The following GPBP1 variants were observed in gnomAD, a reference collection of about 807,000 sequenced individuals.
GPBP1 encodes vasculin.
A neutral mutation model predicts 56.5 loss-of-function variants in GPBP1; 13 were observed. The observed-to-expected ratio is 0.23, with a 90% CI of 0.15 to 0.37. The LOEUF (loss-of-function observed/expected upper bound fraction) is 0.37. Ranked by LOEUF, GPBP1 falls within the 10% of genes least tolerant of loss-of-function variation. The pLI, the probability that GPBP1 is intolerant of heterozygous loss-of-function variation, is 1.00. For synonymous variants in GPBP1, 204 were observed against 188.9 expected, an observed-to-expected ratio of 1.08 and a Z score of -0.66; for missense variants, 477 against 572.3, an observed-to-expected ratio of 0.83 and a Z score of 1.70.
chr5:57,207,159 A>C (rs831653), intron 2 of GPBP1, among the ~76,000 whole-genome samples: 55,328 of 151,786 alleles, frequency 0.36, 10,760 homozygotes, highest in Middle Eastern at 0.44. Context: ...AAGATCTACA[A>C]ATGGCCAGCT....
chr5:57,195,073 GT>G (rs1202270577), intron 2 of GPBP1, among the ~76,000 whole-genome samples: 15 of 146,750 alleles, frequency 1.0e-4, no homozygotes, highest in East Asian at 2.0e-4. Flanking sequence ...TTAAGGATGG[GT>G]TTTTTTTTTG....
intron 3 of GPBP1, among the ~76,000 whole-genome samples, chr5:57,218,969 G>A (rs997368453): frequency 1.3e-5 from 2 of 152,176 alleles, no homozygotes; most frequent in Non-Finnish European, 2.9e-5. Flanking sequence ...TTTTCACATA[G>A]CTGATTAGTG....
intron 3 of GPBP1, among the ~76,000 whole-genome samples, chr5:57,220,423 T>G (rs1253019466): frequency 6.6e-6 from 1 of 152,076 alleles, no homozygotes; most frequent in East Asian, 1.9e-4. Context: ...ATTCTTCTAA[T>G]TAAAAATTAG....
intron 3 of GPBP1, among the ~76,000 whole-genome samples, chr5:57,228,994 C>G (rs1454889161): frequency 6.6e-6 from 1 of 151,916 alleles, no homozygotes; most frequent in Non-Finnish European, 1.5e-5. Flanking sequence ...CTTTGGGAGG[C>G]CAAGGCAGGT....
intron 3 of GPBP1, among the ~76,000 whole-genome samples, chr5:57,217,367 G>GT (rs1460909871): frequency 1.3e-5 from 2 of 152,140 alleles, no homozygotes; most frequent in Admixed American, 1.3e-4. Flanking sequence ...GAGGTCAGGA[G>GT]TTTGAGACCA....
intron 3 of GPBP1, among the ~76,000 whole-genome samples, chr5:57,223,502 A>G (rs1460218536): frequency 1.3e-5 from 2 of 152,120 alleles, no homozygotes; most frequent in African/African-American, 2.4e-5. Flanking sequence ...ACCTTGCAGG[A>G]TCAATATTCA....
rs543005934 is a variant in GPBP1, at chr5:57,229,230, C to CAAAAAAAAAAAAAAAA, written c.64-1594_64-1579dup. 2.6e-4 allele frequency among the ~76,000 whole-genome samples: 20 copies of CAAAAAAAAAAAAAAAA among 77,420 alleles called. 1 individual carries two copies. Among genetic ancestry groups the CAAAAAAAAAAAAAAAA allele is most frequent in the South Asian group, 7.4e-4 (2 of 2,720 alleles). The allele number at this position is 77,420 out of a possible 152,430, so 50.8% of individuals were successfully genotyped here. A position where few individuals can be genotyped will look rare whatever the true frequency, so the allele number is the denominator to read the frequency against. ...TGGGCGACAGAACAAGACTCCATCT[C>CAAAAAAAAAAAAAAAA]AAAAAAAAAAAAAAAAAAAAAAAAA... On this transcript the variant is annotated intron_variant, in intron 3 of 11. Coordinates refer to ENST00000506184, the MANE Select transcript of GPBP1 (RefSeq NM_022913.4).
At chr5:57,261,413 A>G in intron 11 of GPBP1, 131 bp downstream of exon 11, 2 of 588,240 alleles carry the variant, frequency 3.4e-6, no homozygotes, top group Non-Finnish European at 6.1e-6. Flanking sequence ...TTTAAAAAAA[A>G]AAAGAGGGAG....
intron 3 of GPBP1, among the ~76,000 whole-genome samples, chr5:57,226,015 G>A (rs114987964): frequency 3.3e-4 from 50 of 152,334 alleles, no homozygotes; most frequent in African/African-American, 1.2e-3. Flanking sequence ...CAGTGTTCAT[G>A]TTTCTGAACT....
chr5:57,193,853 T>A lies in GPBP1; in HGVS notation c.-58+17453T>A, dbSNP rs546067303. On this transcript the variant is annotated intron_variant, in intron 2 of 11. Coordinates refer to ENST00000506184, the MANE Select transcript of GPBP1 (RefSeq NM_022913.4). ...AAAATTGAGTCAGACTAAAAAAGAT[T>A]TAAAATTGTTTTGAATTTATGCACA... Among the ~76,000 whole-genome samples, 7 of 152,216 alleles carry A rather than the reference T, an allele frequency of 4.6e-5. No individual in the cohort carries two copies. The East Asian group carries it at 1.2e-3, about 25-fold the overall frequency.
intron 10 of GPBP1, among the ~76,000 whole-genome samples, chr5:57,252,297 AT>A (rs1222768967): frequency 6.6e-6 from 1 of 151,862 alleles, no homozygotes; most frequent in Non-Finnish European, 1.5e-5. Context: ...GATGTAGTTC[AT>A]TTTTTTCCTT....
At chr5:57,201,487 A>G (rs1361506123) in intron 2 of GPBP1, among the ~76,000 whole-genome samples, 2 of 152,168 alleles carry the variant, frequency 1.3e-5, no homozygotes, top group African/African-American at 2.4e-5. Context: ...GCATCTGGCC[A>G]GATAGTTCTT....
Position 57,175,826 on chromosome 5 carries a change from A to G in GPBP1, c.-632A>G. On this transcript the variant is annotated 5_prime_UTR_variant, in exon 2 of 12. Transcript: ENST00000506184. ...GTTTCAAATGACTGAGTATTGCTGA[A>G]GTTTCATGGCAGTTTATTTTTACCT... is the stretch of plus-strand genomic sequence containing the variant. The G allele has an allele frequency of 2.5e-6, 1 of 397,226 alleles. No individual in the cohort carries two copies. The highest frequency in any genetic ancestry group is 3.6e-5 in the East Asian group (1 of 28,038). The allele number at this position is 397,226 out of a possible 1,614,324, so 24.6% of individuals were successfully genotyped here.
At chr5:57,230,635 G>A (rs1431958870) in intron 3 of GPBP1, 1 of 546,038 alleles carries the variant, frequency 1.8e-6, no homozygotes, top group African/African-American at 1.9e-5. Flanking sequence ...CGAACTCTAA[G>A]CACATGTGCT....
At chr5:57,186,742 A>AT (rs775540505) in intron 2 of GPBP1, among the ~76,000 whole-genome samples, 2 of 151,960 alleles carry the variant, frequency 1.3e-5, no homozygotes, top group Admixed American at 6.6e-5. Flanking sequence ...TGATTTTTAA[A>AT]TTTTTTTGTG....
intron 6 of GPBP1, among the ~76,000 whole-genome samples, chr5:57,239,438 T>G (rs1167372604): frequency 1.3e-5 from 2 of 152,220 alleles, no homozygotes; most frequent in Non-Finnish European, 2.9e-5. Flanking sequence ...CTCATTTGAC[T>G]AAAACTCACA....
chr5:57,223,323 C>T (rs1361900549), intron 3 of GPBP1, among the ~76,000 whole-genome samples: 6 of 152,078 alleles, frequency 3.9e-5, no homozygotes. Context: ...CTCCTGACCC[C>T]TTGGTCCTCC....
intron 2 of GPBP1, among the ~76,000 whole-genome samples, chr5:57,213,064 A>AT (rs1554065627): frequency 4.2e-5 from 6 of 142,244 alleles, no homozygotes; most frequent in Non-Finnish European, 7.8e-5. Flanking sequence ...TTTTTTTATT[A>AT]TTTTTTTCAG....
At chr5:57,194,442 A>G (rs1257492213) in intron 2 of GPBP1, among the ~76,000 whole-genome samples, 1 of 152,214 alleles carries the variant, frequency 6.6e-6, no homozygotes, top group East Asian at 1.9e-4. Context: ...TAAGGAGCAC[A>G]TATTTTGATA....
Sources: gnomAD v4.1 joint callset for allele counts (sites outside exome capture counted in the v4.1 genomes callset) on GRCh38, gnomAD v4.1.1 for gene constraint, MANE v1.5 for transcripts, NCBI Gene and HGNC (gene_info 2026-07-23, HGNC 2026-07-21) for gene names.